The following DNM3 variants were observed in gnomAD, a reference collection of about 807,000 sequenced individuals.
DNM3 encodes the protein dynamin-3.
DNM3 carries 47 observed loss-of-function variants against 101.6 expected under a neutral mutation model. That is an observed-to-expected ratio of 0.46 (90% CI 0.37 to 0.59). DNM3 has a LOEUF of 0.59. Ranked by LOEUF, DNM3 falls within the 20% of genes least tolerant of loss-of-function variation. DNM3 has a pLI of 0.00. For synonymous variants in DNM3, 385 were observed against 387.9 expected, an observed-to-expected ratio of 0.99 and a Z score of 0.09; for missense variants, 849 against 1,085.7, an observed-to-expected ratio of 0.78 and a Z score of 3.06.
chr1:171,907,309 T>G (rs1026425316), intron 1 of DNM3, among the ~76,000 whole-genome samples: 1 of 152,064 alleles, frequency 6.6e-6, no homozygotes, highest in East Asian at 1.9e-4. Flanking sequence ...CTGACCAACA[T>G]GGAGAAACCC....
chr1:172,283,780 A>AAAAAAAAAAAAAAAAAAAG (rs1553221113), intron 15 of DNM3, among the ~76,000 whole-genome samples: 19 of 119,092 alleles, frequency 1.6e-4, no homozygotes, highest in South Asian at 5.5e-4. Context: ...AAAAAAAAAA[A>AAAAAAAAAAAAAAAAAAAG]AAAGAAAGAA....
chr1:172,379,517 T>A (rs1020031807), intron 18 of DNM3, among the ~76,000 whole-genome samples: 1 of 152,058 alleles, frequency 6.6e-6, no homozygotes, highest in Non-Finnish European at 1.5e-5. Flanking sequence ...ATGCCCTGGC[T>A]CCTAGACTTT....
intron 15 of DNM3, among the ~76,000 whole-genome samples, chr1:172,302,485 A>C (rs928244640): frequency 1.3e-5 from 2 of 152,218 alleles, no homozygotes; most frequent in African/African-American, 4.8e-5. Context: ...GCAGACTTAA[A>C]TGTCCCTGTC....
At chr1:172,319,942 T>C (rs2065612535) in intron 16 of DNM3, among the ~76,000 whole-genome samples, 1 of 152,094 alleles carries the variant, frequency 6.6e-6, no homozygotes, top group Non-Finnish European at 1.5e-5. Flanking sequence ...CATATGTTTA[T>C]TGCAGCACTA....
chr1:171,966,078 AC>A (rs1295985772), intron 2 of DNM3, among the ~76,000 whole-genome samples: 1 of 152,140 alleles, frequency 6.6e-6, no homozygotes, highest in African/African-American at 2.4e-5. Context: ...TGTTGCATTC[AC>A]CACTTGGTCC....
At chr1:172,307,412 T>G (rs528779676) in intron 15 of DNM3, among the ~76,000 whole-genome samples, 1 of 152,290 alleles carries the variant, frequency 6.6e-6, no homozygotes, top group South Asian at 2.1e-4. Context: ...AGGAATGCTT[T>G]TACACGGTTG....
At chr1:172,264,391 T>C (rs1451919276) in intron 15 of DNM3, among the ~76,000 whole-genome samples, 1 of 152,246 alleles carries the variant, frequency 6.6e-6, no homozygotes, top group Non-Finnish European at 1.5e-5. Flanking sequence ...ATGCTTAGCA[T>C]GATTCTATCA....
chr1:171,916,353 TGCTG>T (rs2039710056), intron 1 of DNM3, among the ~76,000 whole-genome samples: 1 of 152,222 alleles, frequency 6.6e-6, no homozygotes, highest in Non-Finnish European at 1.5e-5. Context: ...ATCAGATTGG[TGCTG>T]GCACATGGTA....
chr1:171,875,435 C>A (rs1558196856), intron 1 of DNM3, among the ~76,000 whole-genome samples: 1 of 152,080 alleles, frequency 6.6e-6, no homozygotes, highest in African/African-American at 2.4e-5. Context: ...GCTGTTGTAC[C>A]TTTTTTTCTT....
At chr1:172,258,250 C>A (rs183606067) in intron 15 of DNM3, among the ~76,000 whole-genome samples, 1 of 151,964 alleles carries the variant, frequency 6.6e-6, no homozygotes, top group African/African-American at 2.4e-5. Context: ...AACATGGGAG[C>A]GCGTGTGTCT....
chr1:171,948,962 C>T (rs1392487597), intron 2 of DNM3, among the ~76,000 whole-genome samples: 2 of 151,948 alleles, frequency 1.3e-5, no homozygotes, highest in African/African-American at 4.8e-5. Context: ...ATTTGATTCT[C>T]ATATGAAAAA....
chr1:172,324,078 T>C (rs2065842299), intron 17 of DNM3, among the ~76,000 whole-genome samples: 1 of 152,222 alleles, frequency 6.6e-6, no homozygotes, highest in Admixed American at 6.5e-5. Context: ...AATTCAACTT[T>C]TCCAAAAGAT....
rs764799239 is a variant in DNM3 at position 172,388,701 on chromosome 1, T to A, written c.2414T>A (p.Val805Asp). 1 of 1,613,762 alleles carries A rather than the reference T, an allele frequency of 6.2e-7. No homozygotes were observed. Among genetic ancestry groups the A allele is most frequent in the Non-Finnish European group, 8.5e-7 (1 of 1,179,842 alleles). ...SPGPHSGAPP[V>D]PFRPGPLPPF... ...GGCCCCCACTCTGGGGCTCCTCCAG[T>A]CCCATTCCGTCCAGGCCCATTACCT... Residue 805 changes from valine (V) to aspartate (D), a missense_variant, in exon 20 of 21, where the codon GTC becomes GAC. By Grantham distance (152) the Val-to-Asp change is radical. This residue lies in a region of DNM3 where 256 missense variants were observed against 311.7 expected (regional missense o/e 0.82). Transcript: ENST00000627582.
intron 14 of DNM3, among the ~76,000 whole-genome samples, chr1:172,248,809 A>G (rs1169748524): frequency 6.6e-6 from 1 of 152,156 alleles, no homozygotes; most frequent in East Asian, 1.9e-4. Context: ...AAACATCTTA[A>G]TCAACACCTG....
In DNM3 at chr1:171,955,334, C is replaced by T. The variant is rs147377080; in HGVS notation, c.236-32322C>T. On this transcript the variant is annotated intron_variant, in intron 2 of 20. Transcript: ENST00000627582. Reference sequence around the variant, plus strand: ...ATCATTTCAAAGAGAATATGATTCCCTAAAATATAGTTATTTTAACTTTTA... The same window carrying T: ...ATCATTTCAAAGAGAATATGATTCCTTAAAATATAGTTATTTTAACTTTTA... Among the ~76,000 whole-genome samples the T allele has an allele frequency of 1.6e-4, 24 of 151,918 alleles. 1 individual carries two copies. The East Asian group carries it at 4.6e-3, about 29-fold the overall frequency.
intron 1 of DNM3, among the ~76,000 whole-genome samples, chr1:171,865,775 A>G (rs1424287686): frequency 6.6e-6 from 1 of 152,180 alleles, no homozygotes; most frequent in Non-Finnish European, 1.5e-5. Flanking sequence ...AATTTCTCAT[A>G]TTTTATAACA....
intron 1 of DNM3, among the ~76,000 whole-genome samples, chr1:171,919,078 C>T (rs1323942449): frequency 6.6e-6 from 1 of 152,148 alleles, no homozygotes; most frequent in African/African-American, 2.4e-5. Flanking sequence ...GCATTTTATA[C>T]ATCCTAAAAT....
intron 1 of DNM3, among the ~76,000 whole-genome samples, chr1:171,913,819 C>T (rs1470937033): frequency 6.6e-6 from 1 of 151,834 alleles, no homozygotes; most frequent in African/African-American, 2.4e-5. Context: ...GACAGAGTTT[C>T]ACTCTGTCAC....
At chr1:172,207,530 G>A (rs1375472147) in intron 14 of DNM3, among the ~76,000 whole-genome samples, 1 of 152,096 alleles carries the variant, frequency 6.6e-6, no homozygotes, top group Non-Finnish European at 1.5e-5. Context: ...AAGGTAGGCA[G>A]GACATGAACT....
Sources: allele counts gnomAD v4.1 joint callset (sites outside exome capture counted in the v4.1 genomes callset), GRCh38; gene constraint gnomAD v4.1.1; regional missense constraint gnomAD v4.1.1; transcripts MANE v1.5; gene names NCBI Gene and HGNC (gene_info 2026-07-23, HGNC 2026-07-21).